Variants in CNBD1 observed in about 807,000 individuals in gnomAD.
CNBD1 encodes cyclic nucleotide binding domain containing 1.
CNBD1 carries 71 observed loss-of-function variants against 54.4 expected under a neutral mutation model. That is an observed-to-expected ratio of 1.30 (90% CI 1.08 to 1.59). The LOEUF (loss-of-function observed/expected upper bound fraction) is 1.59, where lower values mean the gene tolerates loss of function less well. Among genes scored for constraint, CNBD1 ranks in the 40% most tolerant of loss-of-function variants. The pLI is 0.00. For missense variants in CNBD1, 659 were observed against 518.0 expected (o/e 1.27, Z -2.64); for synonymous variants, 182 against 170.7 (o/e 1.07, Z -0.51).
chr8:86,868,574 G>C (rs1563804742), intron 1 of CNBD1, among the ~76,000 whole-genome samples: 1 of 151,782 alleles, frequency 6.6e-6, no homozygotes, highest in Non-Finnish European at 1.5e-5. Context: ...CTCGTGATCT[G>C]CCCCCCTCAG....
At position 86,976,187 on chromosome 8, in the gene CNBD1, CTTTTTTT is replaced by C. The variant is rs71277906; in HGVS notation, c.431+36448_431+36454del. On this transcript the variant is annotated intron_variant, in intron 4 of 10. Coordinates refer to ENST00000518476, the MANE Select transcript of CNBD1 (RefSeq NM_173538.3). ...CTCAGTCTGTGGGTTGTGCATTGAC[CTTTTTTT>C]TTTTTTTTTTTTTTGCTGTGGATAA... 9.5e-4 allele frequency among the ~76,000 whole-genome samples: 79 copies of C among 83,500 alleles called. 1 individual carries two copies. The highest frequency in any genetic ancestry group is 3.3e-3 in the African/African-American group (71 of 21,296). The allele number at this position is 83,500 out of a possible 152,430, so 54.8% of individuals were successfully genotyped here. A position where few individuals can be genotyped will look rare whatever the true frequency, so the allele number is the denominator to read the frequency against.
chr8:86,908,395 G>T (rs1247325111), intron 3 of CNBD1, among the ~76,000 whole-genome samples: 1 of 152,172 alleles, frequency 6.6e-6, no homozygotes, highest in Non-Finnish European at 1.5e-5. Flanking sequence ...TGTTGACCCA[G>T]AAGACTTGGT....
chr8:86,896,078 T>TA (rs1307538916), intron 2 of CNBD1, among the ~76,000 whole-genome samples: 3 of 152,130 alleles, frequency 2.0e-5, no homozygotes, highest in Admixed American at 6.5e-5. Flanking sequence ...TATTTTTGTG[T>TA]ATGGCATAAG....
At chr8:86,997,127 G>T (rs1808891971) in intron 4 of CNBD1, among the ~76,000 whole-genome samples, 1 of 152,138 alleles carries the variant, frequency 6.6e-6, no homozygotes, top group Non-Finnish European at 1.5e-5. Context: ...TGAAATACTT[G>T]TTCTAGGACC....
At chr8:87,383,211 A>T (rs1811118315), downstream of CNBD1, among the ~76,000 whole-genome samples, 1 of 152,076 alleles carries the variant, frequency 6.6e-6, no homozygotes, top group South Asian at 2.1e-4. Flanking sequence ...GGAGAATATC[A>T]GTTAATTTAA....
At chr8:87,241,473 C>T (rs912826916) in intron 6 of CNBD1, among the ~76,000 whole-genome samples, 3 of 151,802 alleles carry the variant, frequency 2.0e-5, no homozygotes, top group South Asian at 2.1e-4. Context: ...GGGGTTTCAC[C>T]GTGTTAGCCA....
At chr8:87,183,803 AG>A (rs1813413807) in intron 4 of CNBD1, among the ~76,000 whole-genome samples, 1 of 152,180 alleles carries the variant, frequency 6.6e-6, no homozygotes, top group Non-Finnish European at 1.5e-5. Context: ...AGGGGGACAA[AG>A]CTCAGTTCAG....
At chr8:87,172,902 T>C (rs185393667) in intron 4 of CNBD1, among the ~76,000 whole-genome samples, 2 of 152,276 alleles carry the variant, frequency 1.3e-5, no homozygotes, top group Admixed American at 1.3e-4. Context: ...AGGATCTAAT[T>C]CCTTCCATTT....
At chr8:86,953,687 T>A (rs2130452725) in intron 4 of CNBD1, among the ~76,000 whole-genome samples, 1 of 152,104 alleles carries the variant, frequency 6.6e-6, no homozygotes, top group South Asian at 2.1e-4. Flanking sequence ...GCCAACATAG[T>A]GTGACCCCTG....
At chr8:87,008,193 G>A (rs564114667) in intron 4 of CNBD1, among the ~76,000 whole-genome samples, 1 of 152,250 alleles carries the variant, frequency 6.6e-6, no homozygotes, top group East Asian at 1.9e-4. Flanking sequence ...CTAATATAAT[G>A]GGTGGCTATT....
chr8:87,017,644 C>T (rs1012467928), intron 4 of CNBD1, among the ~76,000 whole-genome samples: 2 of 152,116 alleles, frequency 1.3e-5, no homozygotes, highest in Non-Finnish European at 2.9e-5. Context: ...TAATAGCTCT[C>T]GTGAGCTGTT....
chr8:87,414,150 A>G (rs1050464155), intron 2 of CNBD1, among the ~76,000 whole-genome samples: 31 of 152,130 alleles, frequency 2.0e-4, no homozygotes, highest in South Asian at 1.9e-3. Flanking sequence ...AGACTGGATT[A>G]AGAAAATGTG....
At chr8:87,212,528 G>T (rs1230015494) in intron 5 of CNBD1, among the ~76,000 whole-genome samples, 1 of 152,146 alleles carries the variant, frequency 6.6e-6, no homozygotes, top group Non-Finnish European at 1.5e-5. Context: ...CAATGGAACA[G>T]ATTGAGTCCA....
At chr8:86,929,238 G>A (rs1279400937) in intron 3 of CNBD1, among the ~76,000 whole-genome samples, 2 of 152,188 alleles carry the variant, frequency 1.3e-5, no homozygotes, top group Non-Finnish European at 2.9e-5. Context: ...TTTAATGGGG[G>A]TTCCCTCAGA....
At chr8:87,031,988 C>A (rs988546171) in intron 4 of CNBD1, among the ~76,000 whole-genome samples, 74 of 152,118 alleles carry the variant, frequency 4.9e-4, no homozygotes, top group African/African-American at 1.7e-3. Flanking sequence ...TGATCCTCCC[C>A]CCTCAGCCTC....
chr8:87,089,146 G>T (rs1811156987), intron 4 of CNBD1, among the ~76,000 whole-genome samples: 1 of 152,116 alleles, frequency 6.6e-6, no homozygotes, highest in Non-Finnish European at 1.5e-5. Flanking sequence ...ATATCATTTG[G>T]TGGGAGAGAT....
chr8:87,066,109 T>C (rs918638003), intron 4 of CNBD1, among the ~76,000 whole-genome samples: 1 of 152,000 alleles, frequency 6.6e-6, no homozygotes, highest in Admixed American at 6.6e-5. Flanking sequence ...TTCTCAGACA[T>C]AGTCACAATA....
At chr8:87,249,048 T>A (rs1477600165) in intron 6 of CNBD1, among the ~76,000 whole-genome samples, 4 of 152,134 alleles carry the variant, frequency 2.6e-5, no homozygotes, top group African/African-American at 7.2e-5. Context: ...CTGATAGGGT[T>A]TTGTTATGAG....
chr8:87,042,787 T>A (rs1480760187), intron 4 of CNBD1, among the ~76,000 whole-genome samples: 1 of 152,004 alleles, frequency 6.6e-6, no homozygotes, highest in East Asian at 1.9e-4. Context: ...ATAAATATAA[T>A]ATGTAAAATA....
Sources: allele counts gnomAD v4.1 joint callset (sites outside exome capture counted in the v4.1 genomes callset), GRCh38; gene constraint gnomAD v4.1.1; transcripts MANE v1.5; gene names NCBI Gene and HGNC (gene_info 2026-07-23, HGNC 2026-07-21).